Variants in FNBP4 observed in about 807,000 individuals in gnomAD.
The protein encoded by FNBP4 is formin binding protein 4, also known as formin-binding protein 4.
A neutral mutation model predicts 119.3 loss-of-function variants in FNBP4; 34 were observed. The observed-to-expected ratio is 0.28, with a 90% confidence interval of 0.22 to 0.38. The LOEUF is 0.38. Ranked by LOEUF, FNBP4 falls within the 10% of genes least tolerant of loss-of-function variation. The pLI, the probability that FNBP4 is intolerant of heterozygous loss-of-function variation, is 1.00. For synonymous variants in FNBP4, 462 were observed against 430.6 expected (o/e 1.07, Z -0.90); for missense variants, 1,112 against 1,228.9 (o/e 0.90, Z 1.42).
chr11:47,761,645 C>T (rs1022606989), intron 2 of FNBP4, among the ~76,000 whole-genome samples: 3 of 151,700 alleles, frequency 2.0e-5, no homozygotes, highest in South Asian at 2.1e-4. Flanking sequence ...AGGATGGTCA[C>T]GGTGGCTCAC....
rs1674576021 is a variant in FNBP4, at chr11:47,742,520, G to C, written c.1456+1433C>G. Among the ~76,000 whole-genome samples the C allele has an allele frequency of 2.1e-5, 3 of 141,716 alleles. No homozygotes were observed. The South Asian group carries it at 7.0e-4, about 33-fold the overall frequency. The allele number at this position is 141,716 out of a possible 152,430, so 93.0% of individuals were successfully genotyped here. ...AAAAAAAAAAAGGACCACGGGGTAG[G>C]GAATGAGAATAATGAAAAGATAAAG... is the stretch of plus-strand genomic sequence containing the variant. On this transcript the variant is annotated intron_variant, in intron 8 of 16. Coordinates refer to ENST00000263773, the MANE Select transcript of FNBP4 (RefSeq NM_015308.5).
intron 15 of FNBP4, among the ~76,000 whole-genome samples, chr11:47,721,192 G>C (rs1393587090): frequency 6.6e-6 from 1 of 151,164 alleles, no homozygotes; most frequent in Non-Finnish European, 1.5e-5. Context: ...GTGGTGGTGG[G>C]CGCCTGTAGT....
intron 8 of FNBP4, among the ~76,000 whole-genome samples, chr11:47,743,502 AAAT>A (rs1344807177): frequency 3.3e-5 from 5 of 152,168 alleles, no homozygotes; most frequent in African/African-American, 1.2e-4. Flanking sequence ...AAAGAAAAAA[AAAT>A]AATTAGGGCC....
At chr11:47,726,376 A>T (rs1012750204) in intron 12 of FNBP4, 2 of 149,804 alleles carry the variant, frequency 1.3e-5, no homozygotes, top group Admixed American at 1.3e-4. Context: ...CTAGGACTAC[A>T]GGTGTGCATC....
chr11:47,765,903 G>A (rs914462940), intron 1 of FNBP4, among the ~76,000 whole-genome samples: 1 of 112,028 alleles, frequency 8.9e-6, no homozygotes, highest in African/African-American at 3.2e-5. Flanking sequence ...GCCCAGGCTG[G>A]TCAAACTCCT....
intron 4 of FNBP4, chr11:47,752,695 TC>T: frequency 2.3e-6 from 1 of 437,066 alleles, no homozygotes; most frequent in Middle Eastern, 6.5e-4. Context: ...GCGCCTGTAG[TC>T]CCAGTTACTC....
Position 47,746,172 on chromosome 11 carries a change from C to T in FNBP4, c.1129G>A (p.Asp377Asn), listed in dbSNP as rs369741282. 1.9e-6 allele frequency: 3 copies of T among 1,614,172 alleles called. No homozygotes were observed. The highest frequency in any genetic ancestry group is 3.3e-5 in the Admixed American group (2 of 60,014). ...TIVKPQEIMLDNIEDPSQEDL... is the reference protein window; with the variant it reads ...TIVKPQEIMLNNIEDPSQEDL... ...TCCTGAGAAGGGTCTTCTATATTGT[C>T]CAACATAATTTCCTGTGGCTTTACT... The change falls in exon 7 of 17, where the codon GAC becomes AAC. Residue 377 changes from aspartate to asparagine, a missense_variant. Asp to Asn is a conservative substitution (Grantham distance 23). Transcript: ENST00000263773.
chr11:47,756,523 C>A (rs911639230), intron 2 of FNBP4, among the ~76,000 whole-genome samples: 13 of 151,746 alleles, frequency 8.6e-5, no homozygotes, highest in Non-Finnish European at 1.9e-4. Flanking sequence ...TCATTTTTTT[C>A]TTTCTGTATG....
Position 47,743,955 on chromosome 11 carries a change from G to C in FNBP4, c.1454C>G (p.Thr485Ser), listed in dbSNP as rs1489004791. The C allele has an allele frequency of 7.4e-6, 12 of 1,613,660 alleles. No homozygotes were observed. The South Asian group carries it at 1.3e-4, about 18-fold the overall frequency. Residue 485 changes from threonine to serine, a missense_variant and splice_region_variant, in exon 8 of 17, where the codon ACT becomes AGT. Around this residue, in one of 2 missense-constraint regions of FNBP4, gnomAD observed 826 missense variants for 988.8 expected, o/e 0.84. Transcript: ENST00000263773. ...GTTTAATGTGAAGCACAAATTACCA[G>C]TTTCTCCATTTTCTGGAGTATCTCG... ...TGRDTPENGE[T>S]AIGAENSEKI...
intron 6 of FNBP4, among the ~76,000 whole-genome samples, chr11:47,747,135 G>A (rs549870798): frequency 6.6e-5 from 10 of 151,818 alleles, no homozygotes; most frequent in South Asian, 6.3e-4. Context: ...AGGTTCCAGC[G>A]ATTCCCAGCC....
chr11:47,729,198 C>T, intron 12 of FNBP4: 1 of 985,314 alleles, frequency 1.0e-6, no homozygotes, highest in Non-Finnish European at 1.2e-6. Context: ...TAATTTTCCC[C>T]CCAAAGAGAA....
At position 47,754,161 on chromosome 11, in the gene FNBP4, C is replaced by T. The variant is rs552895941; in HGVS notation, c.450+367G>A. ...GAGACAGGTTGCGGTGAGGCGAGATCGTACCGCTGCACTCGAGACTGGGCA... is the reference window on the plus strand; with the variant it reads ...GAGACAGGTTGCGGTGAGGCGAGATTGTACCGCTGCACTCGAGACTGGGCA... On this transcript the variant is annotated intron_variant, in intron 3 of 16. Coordinates refer to ENST00000263773, the MANE Select transcript of FNBP4 (RefSeq NM_015308.5). 1.3e-3 allele frequency among the ~76,000 whole-genome samples: 197 copies of T among 150,482 alleles called. 1 individual carries two copies. The highest frequency in any genetic ancestry group is 2.5e-3 in the Non-Finnish European group (168 of 67,824).
rs1441778931 is a variant in FNBP4 at position 47,746,324 on chromosome 11, A to G, written c.977T>C (p.Leu326Pro). ...EEKKGVAASL[L>P]APLLPEGIKE... ...TATTCCCTCAGGCAATAAAGGAGCA[A>G]GCAGCGATGCTGCCACCCCTTTCTT... Residue 326 changes from leucine to proline, a missense_variant, in exon 7 of 17, where the codon CTT becomes CCT. This residue lies in a region of FNBP4 where 826 missense variants were observed against 988.8 expected (regional missense o/e 0.84). Coordinates refer to ENST00000263773, the MANE Select transcript of FNBP4 (RefSeq NM_015308.5). 6.2e-7 allele frequency: 1 copy of G among 1,613,956 alleles called. No individual in the cohort carries two copies. The highest frequency in any genetic ancestry group is 8.5e-7 in the Non-Finnish European group (1 of 1,180,028).
chr11:47,765,667 G>A (rs1300956646), intron 1 of FNBP4, among the ~76,000 whole-genome samples: 2 of 108,866 alleles, frequency 1.8e-5, no homozygotes, highest in Admixed American at 9.6e-5. Flanking sequence ...TAAAAAAATT[G>A]CTAGGCATGA....
intron 2 of FNBP4, among the ~76,000 whole-genome samples, chr11:47,761,843 C>CT (rs879599577): frequency 5.4e-4 from 78 of 145,138 alleles, no homozygotes; most frequent in Admixed American, 4.9e-4. Context: ...AATTTAATTT[C>CT]TTTTTTTTTT....
At chr11:47,746,519 CTTTT>C (rs371706754) in intron 6 of FNBP4, 125 bp from the exon 7 acceptor site, 4 of 665,526 alleles carry the variant, frequency 6.0e-6, no homozygotes, top group Non-Finnish European at 9.3e-6. Context: ...GTAAAAACGA[CTTTT>C]TTTTTTTTTG....
At chr11:47,725,975 A>C (rs965703627) in intron 12 of FNBP4, 2 of 158,262 alleles carry the variant, frequency 1.3e-5, no homozygotes, top group African/African-American at 4.8e-5. Context: ...CAGAGCTAGA[A>C]CTCAAGTCTG....
In FNBP4 at chr11:47,734,145, G is replaced by GA; in HGVS notation, c.1582-17dup. 1.4e-6 allele frequency: 2 copies of GA among 1,425,440 alleles called. No homozygotes were observed. The highest frequency in any genetic ancestry group is 9.6e-7 in the Non-Finnish European group (1 of 1,039,190). The allele number at this position is 1,425,440 out of a possible 1,614,324, so 88.3% of individuals were successfully genotyped here. On this transcript the variant is annotated splice_polypyrimidine_tract_variant and intron_variant, in intron 9 of 16. Coordinates refer to ENST00000263773, the MANE Select transcript of FNBP4 (RefSeq NM_015308.5). The stretch of plus-strand genomic sequence containing the variant: ...CAATCTGAAACTACAATGCAAAAAA[G>GA]AAAAAAAGTAAAACTAGAATCCGTA...
chr11:47,731,429 C>T lies in FNBP4; in HGVS notation c.1953G>A (p.Leu651=). ...NRDETLAKQT[L]KDKTGTDSNS... is the part of the protein sequence containing the mutation. Reference sequence around the variant, plus strand: ...TTGAATCAGTGCCAGTTTTGTCTTTCAAGGTCTGTTTGGCAAGAGTCTCAT... The same window carrying T: ...TTGAATCAGTGCCAGTTTTGTCTTTTAAGGTCTGTTTGGCAAGAGTCTCAT... The change falls in exon 12 of 17, where the codon TTG becomes TTA. Residue 651 remains leucine (L), a synonymous_variant. Transcript: ENST00000263773. 1 of 1,613,946 alleles carries T rather than the reference C, an allele frequency of 6.2e-7. No homozygotes were observed. The highest frequency in any genetic ancestry group is 8.5e-7 in the Non-Finnish European group (1 of 1,179,952).
Sources: allele counts gnomAD v4.1 joint callset (sites outside exome capture counted in the v4.1 genomes callset), GRCh38; gene constraint gnomAD v4.1.1; regional missense constraint gnomAD v4.1.1; transcripts MANE v1.5; gene names NCBI Gene and HGNC (gene_info 2026-07-23, HGNC 2026-07-21).